The following ITGA9 variants were observed in gnomAD, a reference collection of about 807,000 sequenced individuals.
The protein encoded by ITGA9 is integrin alpha-9.
Under a neutral mutation model 127.8 loss-of-function variants are expected in ITGA9, and 56 were observed. The observed-to-expected ratio is 0.44, with a 90% CI of 0.35 to 0.55. The LOEUF (loss-of-function observed/expected upper bound fraction) is 0.55, where lower values mean the gene tolerates loss of function less well. Ranked by LOEUF, ITGA9 falls within the 20% of genes least tolerant of loss-of-function variation. ITGA9 has a pLI of 0.00. For synonymous variants in ITGA9, 508 were observed against 514.5 expected (o/e 0.99, Z 0.17); for missense variants, 1,196 against 1,347.1 (o/e 0.89, Z 1.76).
intron 5 of ITGA9, among the ~76,000 whole-genome samples, chr3:37,495,295 C>G (rs940430779): frequency 6.6e-6 from 1 of 152,184 alleles, no homozygotes; most frequent in Non-Finnish European, 1.5e-5. Context: ...TTCCTTTTCC[C>G]AGATTCAGAA....
At chr3:37,700,716 T>A (rs1700937467) in intron 18 of ITGA9, among the ~76,000 whole-genome samples, 1 of 152,188 alleles carries the variant, frequency 6.6e-6, no homozygotes, top group Non-Finnish European at 1.5e-5. Context: ...TGTGGTAGGA[T>A]CTCAATCTTT....
intron 15 of ITGA9, among the ~76,000 whole-genome samples, chr3:37,609,597 G>A (rs1699998872): frequency 6.6e-6 from 1 of 152,178 alleles, no homozygotes; most frequent in Non-Finnish European, 1.5e-5. Context: ...ATCTAGTGCT[G>A]CTGAACAAAC....
chr3:37,680,037 G>A (rs1323848262), intron 17 of ITGA9, among the ~76,000 whole-genome samples: 1 of 152,188 alleles, frequency 6.6e-6, no homozygotes, highest in African/African-American at 2.4e-5. Flanking sequence ...ATCCCCTGGG[G>A]ACATGATAGT....
At chr3:37,515,270 G>C (rs1355685653) in intron 9 of ITGA9, among the ~76,000 whole-genome samples, 1 of 152,156 alleles carries the variant, frequency 6.6e-6, no homozygotes, top group Non-Finnish European at 1.5e-5. Context: ...TATCCAAATA[G>C]TGAGAATATA....
intron 5 of ITGA9, among the ~76,000 whole-genome samples, chr3:37,499,794 GT>G (rs1698769957): frequency 2.6e-5 from 4 of 152,276 alleles, no homozygotes; most frequent in Admixed American, 1.3e-4. Flanking sequence ...AGAGCTGTTG[GT>G]TTTAAAGGTT....
At chr3:37,745,827 C>T (rs1357174360) in intron 22 of ITGA9, 1 of 152,156 alleles carries the variant, frequency 6.6e-6, no homozygotes, top group African/African-American at 2.4e-5. Context: ...TCACATCTGA[C>T]CTGAAATAGG....
chr3:37,469,281 A>C (rs1234206585), intron 1 of ITGA9, among the ~76,000 whole-genome samples: 1 of 152,174 alleles, frequency 6.6e-6, no homozygotes, highest in Non-Finnish European at 1.5e-5. Flanking sequence ...TCCTGTTTGC[A>C]TGCAAACTGT....
At chr3:37,570,449 A>G (rs1348357379) in intron 15 of ITGA9, among the ~76,000 whole-genome samples, 1 of 152,124 alleles carries the variant, frequency 6.6e-6, no homozygotes, top group Admixed American at 6.5e-5. Context: ...CTGGAAGTGG[A>G]TAGATTTGGG....
chr3:37,638,831 A>T (rs192104147), intron 16 of ITGA9, among the ~76,000 whole-genome samples: 2 of 152,292 alleles, frequency 1.3e-5, no homozygotes, highest in Admixed American at 6.5e-5. Flanking sequence ...TAACATGGAG[A>T]TAGTGACCAG....
chr3:37,750,441 G>C, intron 22 of ITGA9, 21 bp from the exon 23 acceptor site: 1 of 1,407,412 alleles, frequency 7.1e-7, no homozygotes, highest in Non-Finnish European at 1.0e-6. Flanking sequence ...GAGACTTGCT[G>C]TGTGTGTTCC....
rs557736223 is a variant in ITGA9, at chr3:37,563,730, C to T, written c.1689+21145C>T. Among the ~76,000 whole-genome samples the T allele has an allele frequency of 1.5e-3, 230 of 152,302 alleles. 4 individuals carry two copies. Among genetic ancestry groups the T allele is most frequent in the African/African-American group, 5.4e-3 (223 of 41,560 alleles). On this transcript the variant is annotated intron_variant, in intron 15 of 27. Transcript: ENST00000264741. The stretch of plus-strand genomic sequence containing the variant: ...ATGTTGGGTTGGTCCTGGATGCTGC[C>T]CTGTAACTCCATCACACCCATCTGA...
chr3:37,535,252 G>A (rs929223712), intron 14 of ITGA9, among the ~76,000 whole-genome samples: 2 of 152,240 alleles, frequency 1.3e-5, no homozygotes, highest in Non-Finnish European at 2.9e-5. Flanking sequence ...GTTAGACAAC[G>A]TTCACTTATC....
rs958333150 is a variant in ITGA9 at position 37,814,108 on chromosome 3, G to A, written c.3010-4783G>A. On this transcript the variant is annotated intron_variant, in intron 27 of 27. Transcript: ENST00000264741. This position sits in a 1 kb window ranked among gnomAD's most constrained non-coding sequence, Gnocchi z 4.3. Reference sequence around the variant, plus strand: ...AGACTCTGTGCCTTGTTCCCCCTTAGTGTGAGTCCTGAGTACCCAGCTGTG... The same window carrying A: ...AGACTCTGTGCCTTGTTCCCCCTTAATGTGAGTCCTGAGTACCCAGCTGTG... 6.6e-6 allele frequency among the ~76,000 whole-genome samples: 1 copy of A among 152,148 alleles called. No individual in the cohort carries two copies. The highest frequency in any genetic ancestry group is 2.4e-5 in the African/African-American group (1 of 41,420).
intron 15 of ITGA9, among the ~76,000 whole-genome samples, chr3:37,553,823 A>G (rs985214164): frequency 1.3e-5 from 2 of 152,318 alleles, no homozygotes; most frequent in East Asian, 3.9e-4. Context: ...AGAATAAAAC[A>G]TAATATCTTT....
chr3:37,610,533 C>T (rs986491085), intron 15 of ITGA9, among the ~76,000 whole-genome samples: 4 of 152,150 alleles, frequency 2.6e-5, no homozygotes, highest in Non-Finnish European at 5.9e-5. Context: ...ATCATATTGG[C>T]AAACTCTAAG....
intron 22 of ITGA9, chr3:37,748,041 C>T (rs543065115): frequency 1.4e-4 from 49 of 346,614 alleles, no homozygotes; most frequent in African/African-American, 1.0e-3. Context: ...AATTTTGGAA[C>T]ATTTCAATCA....
intron 17 of ITGA9, among the ~76,000 whole-genome samples, chr3:37,675,346 G>A (rs1412728934): frequency 6.6e-6 from 1 of 152,216 alleles, no homozygotes; most frequent in African/African-American, 2.4e-5. Context: ...GGAGCTGACT[G>A]GCTTGATGTT....
chr3:37,572,974 T>G (rs562243499), intron 15 of ITGA9, among the ~76,000 whole-genome samples: 9 of 152,346 alleles, frequency 5.9e-5, no homozygotes, highest in Admixed American at 5.9e-4. Context: ...AACAATACCT[T>G]ACATATCTGG....
chr3:37,692,398 T>TGA (rs75412955), intron 18 of ITGA9, among the ~76,000 whole-genome samples: 214 of 144,670 alleles, frequency 1.5e-3, no homozygotes, highest in African/African-American at 4.6e-3. Flanking sequence ...AATGAAGGAT[T>TGA]GAGAGAGAGA....
Sources: gnomAD v4.1 joint callset for allele counts (sites outside exome capture counted in the v4.1 genomes callset) on GRCh38, gnomAD v4.1.1 for gene constraint, Gnocchi (gnomAD v3.1) non-coding constraint, MANE v1.5 for transcripts, NCBI Gene and HGNC (gene_info 2026-07-23, HGNC 2026-07-21) for gene names.